YIF1B: variants seen among roughly 807,000 people sequenced by gnomAD.
YIF1B encodes the protein Yip1 interacting factor homolog B, membrane trafficking protein.
YIF1B carries 24 observed loss-of-function variants against 34.6 expected under a neutral mutation model. That is an observed-to-expected ratio of 0.69 (90% CI 0.50 to 0.98). The LOEUF is 0.98. Among genes scored for constraint, YIF1B ranks in the 50% least tolerant of loss-of-function variants. The pLI is 0.00. For missense variants in YIF1B, 368 were observed against 429.4 expected, an observed-to-expected ratio of 0.86 and a Z score of 1.26; for synonymous variants, 186 against 184.8, an observed-to-expected ratio of 1.01 and a Z score of -0.05.
chr19:38,320,216 C>T, upstream of YIF1B: 1 of 1,604,044 alleles, frequency 6.2e-7, no homozygotes, highest in Non-Finnish European at 8.5e-7. Context: ...GCCTCGGACC[C>T]CGCCTGGGAC....
upstream of YIF1B, chr19:38,320,041 C>A: frequency 6.7e-7 from 1 of 1,501,550 alleles, no homozygotes; most frequent in Non-Finnish European, 8.8e-7. Flanking sequence ...GCTGGAGGGG[C>A]CGCACGAAGC....
Position 38,305,221 on chromosome 19 carries a change from C to T in YIF1B, c.*131G>A, listed in dbSNP as rs947291661. The T allele has an allele frequency of 1.2e-4, 159 of 1,378,118 alleles. No individual in the cohort carries two copies. Among genetic ancestry groups the T allele is most frequent in the Non-Finnish European group, 1.5e-4 (151 of 1,036,206 alleles). The allele number at this position is 1,378,118 out of a possible 1,614,324, so 85.4% of individuals were successfully genotyped here. ...ACCTTGGGTTGGGGGCGGGGCTGGG[C>T]GGGACATGGGATGGAGGCGGTGCCT... On this transcript the variant is annotated 3_prime_UTR_variant, in exon 8 of 8. Coordinates refer to ENST00000339413, the MANE Select transcript of YIF1B (RefSeq NM_001039672.3).
chr19:38,321,418 A>T (rs529190102), upstream of YIF1B, among the ~76,000 whole-genome samples: 3 of 152,216 alleles, frequency 2.0e-5, no homozygotes, highest in African/African-American at 7.2e-5. Flanking sequence ...CCCAATAGGG[A>T]CACCACCTGT....
chr19:38,307,401 G>C, intron 7 of YIF1B, 27 bp downstream of exon 7: 1 of 1,612,190 alleles, frequency 6.2e-7, no homozygotes, highest in East Asian at 2.2e-5. Context: ...CTGTGCCTCA[G>C]CCTCACCAGC....
intron 1 of YIF1B, chr19:38,315,550 C>A (rs1969511500): frequency 6.8e-7 from 1 of 1,460,480 alleles, no homozygotes; most frequent in Non-Finnish European, 9.0e-7. Context: ...TGGGCGACAG[C>A]AGGCGGGTAC....
At chr19:38,305,614 C>T in intron 7 of YIF1B, 107 bp from the exon 8 acceptor site, 2 of 1,419,920 alleles carry the variant, frequency 1.4e-6, no homozygotes. Flanking sequence ...CCCCAGGCAG[C>T]TGGGGACAAG....
In YIF1B at chr19:38,307,646, C is replaced by T. The variant is rs775846286; in HGVS notation, c.646G>A (p.Asp216Asn). 9.9e-6 allele frequency: 16 copies of T among 1,613,778 alleles called. No homozygotes were observed. Among genetic ancestry groups the T allele is most frequent in the South Asian group, 4.4e-5 (4 of 91,062 alleles). Residue 216 changes from aspartate to asparagine, a missense_variant, in exon 6 of 8, where the codon GAC (aspartate) becomes AAC (asparagine). Physicochemically the swap from Asp to Asn is conservative, Grantham distance 23. This residue lies in a region of YIF1B where 208 missense variants were observed against 247.8 expected (regional missense o/e 0.84). Transcript: ENST00000339413. Reference protein sequence around the residue: ...LSLYLVTVNTDLTTIDLVAFL... With the variant: ...LSLYLVTVNTNLTTIDLVAFL... ...GCCACCAGGTCGATGGTGGTGAGGTCGGTGTTGACAGTGACCAGATAGAGG... is the reference window on the plus strand; with the variant it reads ...GCCACCAGGTCGATGGTGGTGAGGTTGGTGTTGACAGTGACCAGATAGAGG...
At chr19:38,321,550 G>A (rs2145038162), upstream of YIF1B, among the ~76,000 whole-genome samples, 1 of 152,350 alleles carries the variant, frequency 6.6e-6, no homozygotes, top group Non-Finnish European at 1.5e-5. Context: ...AAATCTCTTT[G>A]TTGCCAGGCT....
intron 5 of YIF1B, 143 bp from the exon 6 acceptor site, chr19:38,307,895 A>G: frequency 8.5e-7 from 1 of 1,172,704 alleles, no homozygotes; most frequent in Non-Finnish European, 1.2e-6. Flanking sequence ...ATTCCCACGG[A>G]AATCCCATCC....
chr19:38,310,458 T>C (rs564414611), intron 1 of YIF1B, among the ~76,000 whole-genome samples: 23 of 146,810 alleles, frequency 1.6e-4, no homozygotes, highest in African/African-American at 5.9e-4. Flanking sequence ...CATTCATCTA[T>C]CCACCCATCT....
chr19:38,304,929 AAGG>A lies in YIF1B; in HGVS notation c.*420_*422del, dbSNP rs758696451. On this transcript the variant is annotated 3_prime_UTR_variant, in exon 8 of 8. Coordinates refer to ENST00000339413, the MANE Select transcript of YIF1B (RefSeq NM_001039672.3). ...AGTGAAGAAGAAGGAGAAGGGCAAG[AAGG>A]AGAAGGGCAAGAAGAAGGAGGCTCC... The A allele has an allele frequency of 4.1e-5, 66 of 1,612,510 alleles. No individual in the cohort carries two copies. In the Admixed American group the frequency reaches 9.5e-4, roughly 23 times the overall value.
Position 38,304,531 on chromosome 19 carries a change from T to C in YIF1B, c.*821A>G. The C allele has an allele frequency of 6.3e-7, 1 of 1,575,020 alleles. No individual in the cohort carries two copies. Among genetic ancestry groups the C allele is most frequent in the South Asian group, 1.1e-5 (1 of 87,376 alleles). The stretch of plus-strand genomic sequence containing the variant: ...ACCGGCTGCGGAGGGGCGGGAAGGC[T>C]GGGGTTGCCCCTGACCCCAGGGTCC... On this transcript the variant is annotated 3_prime_UTR_variant, in exon 8 of 8. Coordinates refer to ENST00000339413, the MANE Select transcript of YIF1B (RefSeq NM_001039672.3).
At chr19:38,307,248 C>T in intron 7 of YIF1B, 180 bp downstream of exon 7, 2 of 644,450 alleles carry the variant, frequency 3.1e-6, no homozygotes, top group Non-Finnish European at 2.7e-6. Flanking sequence ...TTCCAGGGCT[C>T]AGGATACCCC....
chr19:38,307,598 C>T lies in YIF1B; in HGVS notation c.694G>A (p.Gly232Arg), dbSNP rs201968898. ...GGCGTGAAGGGCGGGGGTACTCACC[C>T]GACATATTTGTAGCCCAAGAAGGCC... ...LVAFLGYKYV[G>R]MIGGVLMGLL... is the part of the protein sequence containing the mutation. The change falls in exon 6 of 8, where the codon GGG (glycine) becomes AGG (arginine). Residue 232 changes from glycine (G) to arginine (R), a missense_variant and splice_region_variant. By Grantham distance (125) the Gly-to-Arg change is moderately radical. Around this residue, in one of 3 missense-constraint regions of YIF1B, gnomAD observed 208 missense variants for 247.8 expected, o/e 0.84. Transcript: ENST00000339413. 2 of 1,613,558 alleles carry T rather than the reference C, an allele frequency of 1.2e-6. No homozygotes were observed. The highest frequency in any genetic ancestry group is 2.2e-5 in the East Asian group (1 of 44,878).
At chr19:38,319,046 T>C (rs1362511535), upstream of YIF1B, among the ~76,000 whole-genome samples, 1 of 152,058 alleles carries the variant, frequency 6.6e-6, no homozygotes, top group African/African-American at 2.4e-5. Flanking sequence ...CAGGGCCCTC[T>C]AGGGCTCCCT....
At chr19:38,312,809 C>T (rs1329325069) in intron 1 of YIF1B, among the ~76,000 whole-genome samples, 3 of 152,202 alleles carry the variant, frequency 2.0e-5, no homozygotes, top group African/African-American at 7.2e-5. Flanking sequence ...CCATCCATGT[C>T]ACTCCTGATC....
At chr19:38,316,544 G>A (rs3843754), upstream of YIF1B, among the ~76,000 whole-genome samples, 46,882 of 151,908 alleles carry the variant, frequency 0.31, 7,694 homozygotes, top group East Asian at 0.56. Context: ...GCAGTTCTCT[G>A]CAGACAGCCG....
At chr19:38,307,576 G>A (rs371716899) in intron 6 of YIF1B, 21 bp downstream of exon 6, 4 of 1,613,706 alleles carry the variant, frequency 2.5e-6, no homozygotes, top group East Asian at 2.2e-5. Flanking sequence ...TGGGGCTGGC[G>A]TGAAGGGCGG....
intron 3 of YIF1B, 40 bp downstream of exon 3, chr19:38,309,184 C>T (rs1469346538): frequency 6.2e-7 from 1 of 1,608,548 alleles, no homozygotes; most frequent in Non-Finnish European, 8.5e-7. Context: ...GAGCCCCCCA[C>T]AGGCCCACTG....
Sources: gnomAD v4.1 joint callset for allele counts (sites outside exome capture counted in the v4.1 genomes callset) on GRCh38, gnomAD v4.1.1 for gene constraint, gnomAD v4.1.1 regional missense constraint, MANE v1.5 for transcripts, NCBI Gene and HGNC (gene_info 2026-07-23, HGNC 2026-07-21) for gene names.